Variants in LRRC7 observed in about 807,000 individuals in gnomAD.
LRRC7 encodes the protein leucine rich repeat containing 7.
A neutral mutation model predicts 175.7 loss-of-function variants in LRRC7; 23 were observed. The ratio of observed to expected loss-of-function variants is 0.13; its 90% confidence interval spans 0.09 to 0.19. LRRC7 has a LOEUF of 0.19. Among genes scored for constraint, LRRC7 ranks in the 10% least tolerant of loss-of-function variants. The probability of loss-of-function intolerance (pLI) is 1.00; values close to 1 mark genes in which losing one functional copy is unlikely to be tolerated. For synonymous variants in LRRC7, 685 were observed against 680.9 expected (o/e 1.01, Z -0.09); for missense variants, 1,354 against 1,904.7 (o/e 0.71, Z 5.38).
chr1:70,098,272 C>T (rs1481463222), intron 25 of LRRC7, among the ~76,000 whole-genome samples: 2 of 151,902 alleles, frequency 1.3e-5, no homozygotes, highest in African/African-American at 2.4e-5. Context: ...TTGAAACCAA[C>T]GAGAACAAAG....
chr1:70,028,337 A>G lies in LRRC7; in HGVS notation c.1961A>G (p.Lys654Arg). ...ACTGTGAAAGAAAAATATGAACACA[A>G]GTGGCCGGTAGCCCCAAAGGAGATT... Reference protein sequence around the residue: ...EQTVKEKYEHKWPVAPKEITV... With the variant: ...EQTVKEKYEHRWPVAPKEITV... The change falls in exon 18 of 27, where the codon AAG becomes AGG. Residue 654 changes from lysine (K) to arginine (R), a missense_variant. Transcript: ENST00000651989. The G allele has an allele frequency of 6.2e-7, 1 of 1,613,550 alleles. No homozygotes were observed. The highest frequency in any genetic ancestry group is 8.5e-7 in the Non-Finnish European group (1 of 1,179,654).
intron 2 of LRRC7, among the ~76,000 whole-genome samples, chr1:69,722,294 C>T (rs191657704): frequency 6.6e-6 from 1 of 152,068 alleles, no homozygotes; most frequent in Non-Finnish European, 1.5e-5. Context: ...TCCTTACTGT[C>T]GTACATTGTA....
At chr1:69,690,519 A>G (rs1363852798) in intron 2 of LRRC7, among the ~76,000 whole-genome samples, 2 of 152,192 alleles carry the variant, frequency 1.3e-5, no homozygotes, top group Non-Finnish European at 2.9e-5. Flanking sequence ...TTTTTGAATA[A>G]AATTTCAGCC....
At chr1:69,583,431 C>T (rs1039518474) in intron 1 of LRRC7, among the ~76,000 whole-genome samples, 1 of 152,064 alleles carries the variant, frequency 6.6e-6, no homozygotes, top group African/African-American at 2.4e-5. Flanking sequence ...ACTAGTTGGA[C>T]TCCTACTTTC....
chr1:69,812,338 A>C (rs929916859), intron 4 of LRRC7, among the ~76,000 whole-genome samples: 2 of 152,132 alleles, frequency 1.3e-5, no homozygotes, highest in Non-Finnish European at 2.9e-5. Flanking sequence ...CCTAGTTTCA[A>C]ACCCTGGGTA....
At chr1:70,120,177 G>A (rs574304574) in intron 26 of LRRC7, among the ~76,000 whole-genome samples, 17 of 152,088 alleles carry the variant, frequency 1.1e-4, no homozygotes, top group African/African-American at 3.1e-4. Flanking sequence ...TTAGTATAAC[G>A]CAGAGCAAGA....
chr1:70,109,960 C>T (rs17131208), intron 26 of LRRC7, among the ~76,000 whole-genome samples: 19,524 of 152,178 alleles, frequency 0.13, 1,737 homozygotes, highest in African/African-American at 0.25. Context: ...CTTGACACAA[C>T]GTTGCAGAGT....
intron 2 of LRRC7, among the ~76,000 whole-genome samples, chr1:69,753,197 A>G (rs1670026303): frequency 1.3e-5 from 2 of 152,068 alleles, no homozygotes; most frequent in African/African-American, 4.8e-5. Context: ...ATATTAAAAG[A>G]TCACTGGATA....
chr1:69,858,637 G>A (rs1683999285), intron 7 of LRRC7, among the ~76,000 whole-genome samples: 1 of 152,000 alleles, frequency 6.6e-6, no homozygotes, highest in African/African-American at 2.4e-5. Context: ...TGCCTGCTTT[G>A]CTTCACAGTG....
intron 7 of LRRC7, among the ~76,000 whole-genome samples, chr1:69,876,936 A>G (rs1484537158): frequency 6.6e-6 from 1 of 152,152 alleles, no homozygotes; most frequent in Non-Finnish European, 1.5e-5. Context: ...AAGAGTACAG[A>G]GAAGTTATAT....
chr1:70,026,433 G>A (rs1438159375), intron 17 of LRRC7, among the ~76,000 whole-genome samples: 1 of 151,994 alleles, frequency 6.6e-6, no homozygotes, highest in African/African-American at 2.4e-5. Flanking sequence ...CTTAATTTGT[G>A]ATTAACATTT....
At chr1:69,995,551 C>G (rs940655748) in intron 11 of LRRC7, among the ~76,000 whole-genome samples, 1 of 143,162 alleles carries the variant, frequency 7.0e-6, no homozygotes, top group Admixed American at 7.0e-5. Flanking sequence ...TATCCCTCCC[C>G]CCTCCCCCAA....
rs1221402505 is a variant in LRRC7, at chr1:69,568,140, G to T, written c.-500G>T. On this transcript the variant is annotated 5_prime_UTR_variant, in exon 1 of 27. Transcript: ENST00000651989. Reference sequence around the variant, plus strand: ...TGCGCCCTGGCCCCTGGGGATCCTCGCCCTGCACAGGCGCGGCAACGGGCA... The same window carrying T: ...TGCGCCCTGGCCCCTGGGGATCCTCTCCCTGCACAGGCGCGGCAACGGGCA... Among the ~76,000 whole-genome samples the T allele has an allele frequency of 1.3e-5, 2 of 152,156 alleles. No homozygotes were observed. The highest frequency in any genetic ancestry group is 2.9e-5 in the Non-Finnish European group (2 of 68,030).
In LRRC7 at chr1:69,867,149, CCT is replaced by C. The variant is rs566071611; in HGVS notation, c.647+28873_647+28874del. ...TTACAAGTTCTTTATTCTTTAGTCT[CCT>C]CTCTCTTTTAATATTCTTCCTACAT... On this transcript the variant is annotated intron_variant, in intron 7 of 26. Coordinates refer to ENST00000651989, the MANE Select transcript of LRRC7 (RefSeq NM_001370785.2). Among the ~76,000 whole-genome samples the C allele has an allele frequency of 1.4e-4, 21 of 152,210 alleles. No homozygotes were observed. In the East Asian group the frequency reaches 3.7e-3, roughly 27 times the overall value.
chr1:70,077,112 A>G (rs2102132739), intron 24 of LRRC7, among the ~76,000 whole-genome samples: 1 of 152,284 alleles, frequency 6.6e-6, no homozygotes, highest in Admixed American at 6.5e-5. Context: ...TTACTTATCA[A>G]AGTTTTTCAT....
intron 1 of LRRC7, among the ~76,000 whole-genome samples, chr1:69,662,075 G>A (rs995627317): frequency 3.9e-5 from 6 of 152,096 alleles, no homozygotes; most frequent in Admixed American, 1.3e-4. Context: ...ATCAGAAAAC[G>A]TGAGCTTGAA....
chr1:70,103,291 C>G (rs1664925083), intron 25 of LRRC7, among the ~76,000 whole-genome samples: 1 of 151,176 alleles, frequency 6.6e-6, no homozygotes, highest in African/African-American at 2.4e-5. Flanking sequence ...ACATGGCAAA[C>G]AGGACTTTGC....
chr1:69,718,128 A>AGAGAG (rs1553146102), intron 2 of LRRC7, among the ~76,000 whole-genome samples: 2 of 67,828 alleles, frequency 2.9e-5, no homozygotes, highest in East Asian at 9.2e-4. Flanking sequence ...AAAGAAAGAA[A>AGAGAG]AGAAAGAAAG....
intron 7 of LRRC7, among the ~76,000 whole-genome samples, chr1:69,923,195 A>G (rs1313802046): frequency 6.6e-6 from 1 of 152,002 alleles, no homozygotes. Flanking sequence ...TATGTGCCAC[A>G]TTTTCTTAAT....
Sources: allele counts gnomAD v4.1 joint callset (sites outside exome capture counted in the v4.1 genomes callset), GRCh38; gene constraint gnomAD v4.1.1; transcripts MANE v1.5; gene names NCBI Gene and HGNC (gene_info 2026-07-23, HGNC 2026-07-21).